ANO1: variants seen among roughly 807,000 people sequenced by gnomAD.
The protein encoded by ANO1 is anoctamin 1.
A neutral mutation model predicts 124.0 loss-of-function variants in ANO1; 59 were observed. The ratio of observed to expected loss-of-function variants is 0.48; its 90% CI spans 0.39 to 0.59. The LOEUF is 0.59. Ranked by LOEUF, ANO1 falls within the 20% of genes least tolerant of loss-of-function variation. The pLI, the probability that ANO1 is intolerant of heterozygous loss-of-function variation, is 0.00. For missense variants in ANO1, 1,059 were observed against 1,328.0 expected (o/e 0.80, Z 3.15); for synonymous variants, 529 against 532.0 (o/e 0.99, Z 0.08).
intron 11 of ANO1, among the ~76,000 whole-genome samples, chr11:70,134,155 G>A (rs549688607): frequency 1.4e-4 from 21 of 152,176 alleles, no homozygotes; most frequent in African/African-American, 4.6e-4. Context: ...AGCCCCACCC[G>A]CTGTGTGCGC....
chr11:70,033,832 G>A (rs999017703), intron 1 of ANO1, among the ~76,000 whole-genome samples: 5 of 152,154 alleles, frequency 3.3e-5, no homozygotes, highest in East Asian at 1.9e-4. Flanking sequence ...ATACAGGTTC[G>A]CTTCGTGGGT....
chr11:70,006,854 G>T (rs1856500872), intron 1 of ANO1, among the ~76,000 whole-genome samples: 1 of 151,566 alleles, frequency 6.6e-6, no homozygotes, highest in Non-Finnish European at 1.5e-5. Flanking sequence ...ATTTTTAGTA[G>T]GGAAGGGGTT....
intron 1 of ANO1, among the ~76,000 whole-genome samples, chr11:69,986,906 C>T (rs1326995668): frequency 1.7e-4 from 26 of 152,268 alleles, no homozygotes; most frequent in African/African-American, 6.0e-4. Flanking sequence ...TTTAATTACA[C>T]GCTGAGCTCT....
intron 4 of ANO1, among the ~76,000 whole-genome samples, chr11:70,105,002 C>T (rs1294466579): frequency 6.6e-6 from 1 of 152,132 alleles, no homozygotes; most frequent in Non-Finnish European, 1.5e-5. Flanking sequence ...GAAGCAACCC[C>T]CAAGCCCAGC....
At chr11:69,994,736 T>C (rs1856228056) in intron 1 of ANO1, among the ~76,000 whole-genome samples, 2 of 152,180 alleles carry the variant, frequency 1.3e-5, no homozygotes, top group African/African-American at 2.4e-5. Flanking sequence ...AGCTTGCATG[T>C]TACATTTCCA....
In ANO1 at chr11:70,068,366, C is replaced by T. The variant is rs117384500; in HGVS notation, c.59-10176C>T. Among the ~76,000 whole-genome samples, 31 of 152,344 alleles carry T rather than the reference C, an allele frequency of 2.0e-4. 1 individual carries two copies. The East Asian group carries it at 6.0e-3, about 29-fold the overall frequency. On this transcript the variant is annotated intron_variant, in intron 1 of 27. Transcript: ENST00000531349. ...TGTGGACACCGACAAAGGACATTAG[C>T]TCATTTGTTCATCCTTTCAAAGGAT...
At chr11:70,095,020 A>T (rs1240952391) in intron 2 of ANO1, among the ~76,000 whole-genome samples, 1 of 152,114 alleles carries the variant, frequency 6.6e-6, no homozygotes, top group Non-Finnish European at 1.5e-5. Flanking sequence ...CAGCTTGGCC[A>T]CATAGCGAAA....
upstream of ANO1, among the ~76,000 whole-genome samples, chr11:69,985,198 A>C (rs782793599): frequency 3.9e-5 from 6 of 152,148 alleles, no homozygotes; most frequent in Admixed American, 6.5e-5. Flanking sequence ...TCGTCCCTGG[A>C]TGCACCCCCG....
the ANO1 span, among the ~76,000 whole-genome samples, chr11:69,979,599 C>T: frequency 0.014 from 2,061 of 152,252 alleles, 25 homozygotes; most frequent in Non-Finnish European, 0.018. Flanking sequence ...GGACTCCTCC[C>T]TACATCTTAA....
intron 1 of ANO1, among the ~76,000 whole-genome samples, chr11:70,005,567 G>A (rs1234175577): frequency 1.3e-5 from 2 of 152,210 alleles, no homozygotes; most frequent in Non-Finnish European, 2.9e-5. Flanking sequence ...TATTTTTAGT[G>A]TGAGGTGGGT....
chr11:70,118,609 G>GATGT lies in ANO1; in HGVS notation c.897+2113_897+2114insTATG, dbSNP rs1288066040. On this transcript the variant is annotated intron_variant, in intron 8 of 25. Transcript: ENST00000355303. ...GGATGGATGGATGGATGGATGGATG[G>GATGT]ATGGATAGATTATGGATGGGTGAAT... is the stretch of plus-strand genomic sequence containing the variant. Among the ~76,000 whole-genome samples the GATGT allele has an allele frequency of 1.9e-4, 26 of 137,590 alleles. 2 individuals carry two copies. Among genetic ancestry groups the GATGT allele is most frequent in the Non-Finnish European group, 1.6e-5 (1 of 64,270 alleles). The allele number at this position is 137,590 out of a possible 152,430, so 90.3% of individuals were successfully genotyped here. A position where few individuals can be genotyped will look rare whatever the true frequency, so the allele number is the denominator to read the frequency against.
At chr11:70,104,582 C>G in intron 4 of ANO1, among the ~76,000 whole-genome samples, 1 of 152,198 alleles carries the variant, frequency 6.6e-6, no homozygotes, top group East Asian at 1.9e-4. Context: ...GCCTGAGGCC[C>G]CAGGGACTCA....
At chr11:69,972,529 T>C in the ANO1 span, among the ~76,000 whole-genome samples, 1 of 152,200 alleles carries the variant, frequency 6.6e-6, no homozygotes, top group Admixed American at 6.5e-5. Flanking sequence ...TGTAAAGTGC[T>C]ATAATTAACA....
chr11:70,109,762 C>T (rs924715522), intron 6 of ANO1, among the ~76,000 whole-genome samples: 2 of 152,156 alleles, frequency 1.3e-5, no homozygotes, highest in African/African-American at 4.8e-5. Context: ...AGAAGTCCAG[C>T]GTCTTCAGGC....
intron 1 of ANO1, among the ~76,000 whole-genome samples, chr11:70,016,016 C>T (rs1555001893): frequency 7.3e-6 from 1 of 137,060 alleles, no homozygotes; most frequent in Non-Finnish European, 1.6e-5. Flanking sequence ...ATTTCTTTTC[C>T]TTTCTTTCTT....
chr11:70,160,920 C>A (rs7932334), intron 16 of ANO1, among the ~76,000 whole-genome samples: 1 of 152,216 alleles, frequency 6.6e-6, no homozygotes, highest in East Asian at 1.9e-4. Flanking sequence ...TCTACGTAAC[C>A]TCTCTGAACC....
chr11:70,188,065 G>A lies in ANO1; in HGVS notation c.*61G>A, dbSNP rs1013497702. The stretch of plus-strand genomic sequence containing the variant: ...CCTGACCGATGGGCACCCTCTCCCA[G>A]GGCAGGCGGCTTCCCGCTCCCACCA... On this transcript the variant is annotated 3_prime_UTR_variant, in exon 26 of 26. Transcript: ENST00000355303. 1 of 1,506,994 alleles carries A rather than the reference G, an allele frequency of 6.6e-7. No homozygotes were observed. The highest frequency in any genetic ancestry group is 8.9e-7 in the Non-Finnish European group (1 of 1,128,112). 93.4% of individuals were successfully genotyped at this position (1,506,994 alleles called of 1,614,324 possible). A position where few individuals can be genotyped will look rare whatever the true frequency, so the allele number is the denominator to read the frequency against.
intron 10 of ANO1, among the ~76,000 whole-genome samples, chr11:70,127,094 G>A (rs1421868051): frequency 6.8e-6 from 1 of 146,104 alleles, no homozygotes; most frequent in African/African-American, 2.6e-5. Context: ...AGACATGAAC[G>A]CTAGAGGCCT....
intron 8 of ANO1, among the ~76,000 whole-genome samples, chr11:70,122,988 G>C (rs1235583461): frequency 6.6e-6 from 1 of 152,190 alleles, no homozygotes; most frequent in Non-Finnish European, 1.5e-5. Flanking sequence ...ATCGTTATCT[G>C]CCTAAGGAAA....
Sources: gnomAD v4.1 joint callset for allele counts (sites outside exome capture counted in the v4.1 genomes callset) on GRCh38, gnomAD v4.1.1 for gene constraint, MANE v1.5 for transcripts, NCBI Gene and HGNC (gene_info 2026-07-23, HGNC 2026-07-21) for gene names.